The following INSC variants were observed in gnomAD, a reference collection of about 807,000 sequenced individuals.
The protein encoded by INSC is INSC spindle orientation adaptor protein, also known as protein inscuteable homolog.
Under a neutral mutation model 58.6 loss-of-function variants are expected in INSC, and 67 were observed. That is an observed-to-expected ratio of 1.14 (90% CI 0.94 to 1.40). The LOEUF (loss-of-function observed/expected upper bound fraction) is 1.40, where lower values mean the gene tolerates loss of function less well. INSC is among the 40% of genes most tolerant of loss of function. INSC has a pLI of 0.00. For missense variants in INSC, 714 were observed against 692.0 expected, an observed-to-expected ratio of 1.03 and a Z score of -0.36; for synonymous variants, 262 against 276.1, an observed-to-expected ratio of 0.95 and a Z score of 0.51.
At chr11:15,226,145 G>A (rs1050310395) in intron 9 of INSC, among the ~76,000 whole-genome samples, 10 of 151,900 alleles carry the variant, frequency 6.6e-5, no homozygotes, top group African/African-American at 2.4e-4. Flanking sequence ...AACCACTGTA[G>A]GGCCTTCCTC....
intron 6 of INSC, among the ~76,000 whole-genome samples, chr11:15,196,276 G>A (rs1850366439): frequency 6.6e-6 from 1 of 152,248 alleles, no homozygotes. Context: ...CTTTCACACT[G>A]TTGTATCTTG....
rs755988528 is a variant in INSC at position 15,177,167 on chromosome 11, A to G, written c.455+4A>G. The G allele has an allele frequency of 6.2e-7, 1 of 1,613,422 alleles. No homozygotes were observed. Among genetic ancestry groups the G allele is most frequent in the Non-Finnish European group, 8.5e-7 (1 of 1,179,426 alleles). ...AGCTCTCGGCAGTCACAGAGAGGTA[A>G]ATTTGGACCATAGATCTCCCAGGGT... is the stretch of plus-strand genomic sequence containing the variant. On this transcript the variant is annotated splice_donor_region_variant and intron_variant, in intron 4 of 12. Coordinates refer to ENST00000379556, the MANE Select transcript of INSC (RefSeq NM_001042536.3).
intron 8 of INSC, among the ~76,000 whole-genome samples, chr11:15,224,344 A>T (rs1022610036): frequency 3.9e-5 from 6 of 152,330 alleles, no homozygotes; most frequent in African/African-American, 1.4e-4. Flanking sequence ...GACTAATGTT[A>T]TTGGTAGAAA....
intron 2 of INSC, among the ~76,000 whole-genome samples, chr11:15,149,698 G>A (rs924458538): frequency 6.6e-5 from 10 of 152,146 alleles, no homozygotes; most frequent in Non-Finnish European, 1.3e-4. Flanking sequence ...GGGGAAGCCC[G>A]GATAACGAGG....
chr11:15,125,000 T>C (rs1847957978), intron 1 of INSC, among the ~76,000 whole-genome samples: 1 of 152,030 alleles, frequency 6.6e-6, no homozygotes, highest in Non-Finnish European at 1.5e-5. Flanking sequence ...AGGATTTGGT[T>C]TGGGAAGATG....
Position 15,186,699 on chromosome 11 carries a change from C to T in INSC, c.580-4002C>T, listed in dbSNP as rs1377406560. 2.0e-5 allele frequency among the ~76,000 whole-genome samples: 3 copies of T among 151,972 alleles called. No homozygotes were observed. In the East Asian group the frequency reaches 5.8e-4, roughly 29 times the overall value. On this transcript the variant is annotated intron_variant, in intron 5 of 12. Transcript: ENST00000379556. ...GTACATCCAATCTTTCTGTGCCTTC[C>T]CTCAGAGTCCTAATTCATGCATTTT...
At chr11:15,126,330 C>T (rs1231360326) in intron 1 of INSC, among the ~76,000 whole-genome samples, 2 of 152,184 alleles carry the variant, frequency 1.3e-5, no homozygotes, top group Admixed American at 6.5e-5. Flanking sequence ...ATGGCTAACA[C>T]AAACAGCAGG....
intron 1 of INSC, among the ~76,000 whole-genome samples, chr11:15,142,280 C>T (rs1564866134): frequency 6.6e-6 from 1 of 152,186 alleles, no homozygotes. Context: ...TTTCTGCATT[C>T]CCGTGCTACT....
intron 2 of INSC, among the ~76,000 whole-genome samples, chr11:15,153,738 T>C (rs888674617): frequency 6.6e-6 from 1 of 152,194 alleles, no homozygotes; most frequent in African/African-American, 2.4e-5. Context: ...GGAACCGAGT[T>C]CATAGAGGCA....
intron 5 of INSC, among the ~76,000 whole-genome samples, chr11:15,179,082 T>A (rs1297435616): frequency 2.0e-5 from 3 of 152,236 alleles, no homozygotes; most frequent in Admixed American, 2.0e-4. Flanking sequence ...GAGCCTGGCC[T>A]ATCTACTTTC....
At chr11:15,183,935 A>G (rs1184176412) in intron 5 of INSC, among the ~76,000 whole-genome samples, 3 of 152,230 alleles carry the variant, frequency 2.0e-5, no homozygotes, top group Admixed American at 6.5e-5. Context: ...TTAACAAAAG[A>G]AAAAATTAAT....
chr11:15,176,992 C>T, intron 3 of INSC, 119 bp from the exon 4 acceptor site: 1 of 823,504 alleles, frequency 1.2e-6, no homozygotes. Context: ...TTTTAACTGC[C>T]TGTTCCCCAA....
At chr11:15,245,428 A>G (rs1452994035) in intron 12 of INSC, among the ~76,000 whole-genome samples, 3 of 152,122 alleles carry the variant, frequency 2.0e-5, no homozygotes, top group African/African-American at 7.2e-5. Context: ...CTGGGGAGTG[A>G]TTTTATTCTG....
chr11:15,265,075 A>C, the INSC span, among the ~76,000 whole-genome samples: 1 of 152,144 alleles, frequency 6.6e-6, no homozygotes, highest in South Asian at 2.1e-4. Context: ...ACAAGGAATG[A>C]AAGGTAAAAG....
Position 15,220,483 on chromosome 11 carries a change from G to A in INSC, c.820-994G>A, listed in dbSNP as rs532718033. Among the ~76,000 whole-genome samples the A allele has an allele frequency of 2.6e-5, 4 of 152,298 alleles. No individual in the cohort carries two copies. In the South Asian group the frequency reaches 8.3e-4, roughly 32 times the overall value. ...AATGGAGGCTGAGGTCTGAGCTCAG[G>A]TGCCACTTCTTAGGAGGCAGCATCA... On this transcript the variant is annotated intron_variant, in intron 7 of 12. Transcript: ENST00000379556.
chr11:15,208,932 C>T (rs896226772), intron 7 of INSC, among the ~76,000 whole-genome samples: 9 of 151,990 alleles, frequency 5.9e-5, no homozygotes, highest in South Asian at 2.1e-4. Flanking sequence ...GTGTGTGGGG[C>T]GGAGTGAGTG....
intron 1 of INSC, among the ~76,000 whole-genome samples, chr11:15,129,267 G>C (rs999979594): frequency 6.6e-6 from 1 of 152,116 alleles, no homozygotes; most frequent in Middle Eastern, 3.2e-3. Flanking sequence ...TTAGGGGCTT[G>C]CTGTTCTGTT....
At position 15,149,159 on chromosome 11, in the gene INSC, G is replaced by A; in HGVS notation, c.-16G>A. 6.2e-7 allele frequency: 1 copy of A among 1,611,232 alleles called. No individual in the cohort carries two copies. Among genetic ancestry groups the A allele is most frequent in the Non-Finnish European group, 8.5e-7 (1 of 1,178,786 alleles). On this transcript the variant is annotated 5_prime_UTR_variant, in exon 2 of 13. Transcript: ENST00000379556. The stretch of plus-strand genomic sequence containing the variant: ...ACGACCGCTGCAAGCAGGCTTTGCT[G>A]CAGATTGGGATCAACATGATGGCAC...
At chr11:15,156,699 G>A (rs1848825956) in intron 2 of INSC, among the ~76,000 whole-genome samples, 1 of 152,212 alleles carries the variant, frequency 6.6e-6, no homozygotes, top group Admixed American at 6.5e-5. Context: ...GTAGAATGGG[G>A]ATGGCAATCT....
Sources: allele counts gnomAD v4.1 joint callset (sites outside exome capture counted in the v4.1 genomes callset), GRCh38; gene constraint gnomAD v4.1.1; transcripts MANE v1.5; gene names NCBI Gene and HGNC (gene_info 2026-07-23, HGNC 2026-07-21).